LRFN5: variants seen among roughly 807,000 people sequenced by gnomAD.
LRFN5 encodes leucine rich repeat and fibronectin type III domain containing 5, also known as leucine-rich repeat and fibronectin type-III domain-containing protein 5.
Under a neutral mutation model 45.6 loss-of-function variants are expected in LRFN5, and 24 were observed. The ratio of observed to expected loss-of-function variants is 0.53; its 90% CI spans 0.38 to 0.74. The LOEUF (loss-of-function observed/expected upper bound fraction) is 0.74. Among genes scored for constraint, LRFN5 ranks in the 30% least tolerant of loss-of-function variants. The probability of loss-of-function intolerance (pLI) is 0.00; values close to 1 mark genes in which losing one functional copy is unlikely to be tolerated. For synonymous variants in LRFN5, 340 were observed against 313.8 expected (o/e 1.08, Z -0.88); for missense variants, 776 against 861.5 (o/e 0.90, Z 1.24).
chr14:41,903,024 C>A (rs1321857596), intron 5 of LRFN5, among the ~76,000 whole-genome samples: 1 of 151,368 alleles, frequency 6.6e-6, no homozygotes, highest in East Asian at 1.9e-4. Context: ...AAAAGTAATT[C>A]TTTTTTTACA....
intron 1 of LRFN5, among the ~76,000 whole-genome samples, chr14:41,765,630 A>T (rs932664083): frequency 3.3e-5 from 5 of 152,198 alleles, no homozygotes; most frequent in African/African-American, 1.2e-4. Context: ...TTGCTGTATC[A>T]ACATGGTTGT....
intron 2 of LRFN5, among the ~76,000 whole-genome samples, chr14:41,776,679 C>G (rs552358059): frequency 4.6e-5 from 7 of 152,030 alleles, no homozygotes; most frequent in African/African-American, 1.7e-4. Context: ...TCTCAGAAAC[C>G]CTTTACCAAA....
chr14:41,694,630 G>T (rs1882522470), intron 1 of LRFN5, among the ~76,000 whole-genome samples: 1 of 151,764 alleles, frequency 6.6e-6, no homozygotes, highest in Non-Finnish European at 1.5e-5. Context: ...TAAATTGAAG[G>T]TTTGTGGCAA....
At chr14:41,863,857 G>A (rs77229131) in intron 2 of LRFN5, among the ~76,000 whole-genome samples, 1 of 138,038 alleles carries the variant, frequency 7.2e-6, no homozygotes, top group Admixed American at 7.3e-5. Context: ...AACAGGCCCC[G>A]GTTATGTGAT....
Position 41,754,020 on chromosome 14 carries a change from A to T in LRFN5, c.-196-12834A>T, listed in dbSNP as rs914762621. Reference sequence around the variant, plus strand: ...GGCCTTTTCTGCATCTATTGAGATAAACATGTGGTTTCTGTCTTTGGTTCT... The same window carrying T: ...GGCCTTTTCTGCATCTATTGAGATATACATGTGGTTTCTGTCTTTGGTTCT... On this transcript the variant is annotated intron_variant, in intron 1 of 5. Coordinates refer to ENST00000298119, the MANE Select transcript of LRFN5 (RefSeq NM_152447.5). Among the ~76,000 whole-genome samples the T allele has an allele frequency of 6.6e-5, 10 of 152,312 alleles. No individual in the cohort carries two copies. The East Asian group carries it at 1.9e-3, about 29-fold the overall frequency.
At chr14:41,685,436 GTTGCTT>G (rs571488188) in intron 1 of LRFN5, among the ~76,000 whole-genome samples, 7 of 152,230 alleles carry the variant, frequency 4.6e-5, no homozygotes, top group Admixed American at 1.3e-4. Context: ...AGAAAAATGT[GTTGCTT>G]TTGCTGTGCA....
chr14:41,877,782 G>A (rs900904055), intron 2 of LRFN5, among the ~76,000 whole-genome samples: 5 of 151,916 alleles, frequency 3.3e-5, no homozygotes, highest in African/African-American at 9.7e-5. Flanking sequence ...TTATATACCC[G>A]TTTTACACAG....
At chr14:41,900,548 T>G (rs1190307001) in intron 5 of LRFN5, among the ~76,000 whole-genome samples, 23 of 152,254 alleles carry the variant, frequency 1.5e-4, no homozygotes. Context: ...TCATATATTA[T>G]AGAAAACTTC....
intron 3 of LRFN5, among the ~76,000 whole-genome samples, chr14:41,890,574 G>A (rs1890741556): frequency 6.6e-6 from 1 of 151,886 alleles, no homozygotes; most frequent in South Asian, 2.1e-4. Context: ...GGGCGTGGTG[G>A]CGGGCGCCTG....
At chr14:41,644,754 T>A (rs1298219355) in intron 1 of LRFN5, among the ~76,000 whole-genome samples, 1 of 152,202 alleles carries the variant, frequency 6.6e-6, no homozygotes, top group Non-Finnish European at 1.5e-5. Context: ...GCTCCATTAT[T>A]TGATAGTTTA....
intron 2 of LRFN5, among the ~76,000 whole-genome samples, chr14:41,826,839 ATGT>A (rs1181866585): frequency 2.5e-5 from 2 of 79,642 alleles, no homozygotes; most frequent in East Asian, 2.6e-4. Flanking sequence ...AATTGTGTAA[ATGT>A]TGTTTTAATA....
intron 1 of LRFN5, among the ~76,000 whole-genome samples, chr14:41,619,060 T>C (rs1424499478): frequency 1.4e-5 from 2 of 145,894 alleles, no homozygotes; most frequent in African/African-American, 2.5e-5. Context: ...TAATTTCACC[T>C]AAAACCCAAG....
intron 1 of LRFN5, among the ~76,000 whole-genome samples, chr14:41,644,256 G>A (rs1436293870): frequency 6.6e-6 from 1 of 151,718 alleles, no homozygotes; most frequent in Non-Finnish European, 1.5e-5. Context: ...GATTCCTAAT[G>A]GACTTTAAAT....
chr14:41,719,295 G>A (rs1008488918), intron 1 of LRFN5, among the ~76,000 whole-genome samples: 1 of 152,036 alleles, frequency 6.6e-6, no homozygotes, highest in East Asian at 1.9e-4. Flanking sequence ...TTTAGCAAGA[G>A]TAGTAGATTT....
intron 2 of LRFN5, among the ~76,000 whole-genome samples, chr14:41,821,001 A>G (rs182388176): frequency 6.6e-6 from 1 of 152,154 alleles, no homozygotes; most frequent in East Asian, 1.9e-4. Context: ...TCAAATGTCA[A>G]AGTCTTTGAG....
chr14:41,717,756 A>G (rs2138761566), intron 1 of LRFN5, among the ~76,000 whole-genome samples: 1 of 152,296 alleles, frequency 6.6e-6, no homozygotes, highest in South Asian at 2.1e-4. Context: ...TCTAGTGAAC[A>G]TTGCTAAAGG....
intron 1 of LRFN5, among the ~76,000 whole-genome samples, chr14:41,613,767 A>G (rs1594549564): frequency 6.6e-6 from 1 of 152,052 alleles, no homozygotes; most frequent in Non-Finnish European, 1.5e-5. Context: ...TAGATGCTCA[A>G]TCAGAAATAG....
At chr14:41,775,093 C>CTTTTTCTTTTTTTTT (rs1308711451) in intron 2 of LRFN5, among the ~76,000 whole-genome samples, 2 of 112,492 alleles carry the variant, frequency 1.8e-5, no homozygotes, top group East Asian at 3.4e-4. Flanking sequence ...TTTTCTTTTT[C>CTTTTTCTTTTTTTTT]TTTTTTTTTT....
At chr14:41,674,714 C>T (rs2138670584) in intron 1 of LRFN5, among the ~76,000 whole-genome samples, 1 of 151,172 alleles carries the variant, frequency 6.6e-6, no homozygotes. Context: ...ACCCCCCTAC[C>T]TCCCTCCCGG....
Sources: gnomAD v4.1 joint callset for allele counts (sites outside exome capture counted in the v4.1 genomes callset) on GRCh38, gnomAD v4.1.1 for gene constraint, MANE v1.5 for transcripts, NCBI Gene and HGNC (gene_info 2026-07-23, HGNC 2026-07-21) for gene names.